CACHD1: variants seen among roughly 807,000 people sequenced by gnomAD.
The protein encoded by CACHD1 is cache domain containing 1, also known as VWFA and cache domain-containing protein 1.
CACHD1 carries 71 observed loss-of-function variants against 138.7 expected under a neutral mutation model. The observed-to-expected ratio is 0.51, with a 90% CI of 0.42 to 0.62. The LOEUF (loss-of-function observed/expected upper bound fraction) is 0.62, where lower values mean the gene tolerates loss of function less well. Ranked by LOEUF, CACHD1 falls within the 20% of genes least tolerant of loss-of-function variation. The pLI, the probability that CACHD1 is intolerant of heterozygous loss-of-function variation, is 0.00. For missense variants in CACHD1, 1,389 were observed against 1,625.3 expected (o/e 0.85, Z 2.50); for synonymous variants, 578 against 591.5 (o/e 0.98, Z 0.33).
chr1:64,683,834 G>A (rs956928528), intron 26 of CACHD1, among the ~76,000 whole-genome samples: 3 of 152,200 alleles, frequency 2.0e-5, no homozygotes, highest in Non-Finnish European at 2.9e-5. Flanking sequence ...GAACCAGTAC[G>A]TGGGTCACTA....
chr1:64,516,097 A>G (rs1646457336), intron 1 of CACHD1, among the ~76,000 whole-genome samples: 1 of 152,222 alleles, frequency 6.6e-6, no homozygotes, highest in Admixed American at 6.5e-5. Context: ...TAAGTAGCAC[A>G]TAAACTAGAC....
chr1:64,634,069 C>G lies in CACHD1; in HGVS notation c.815C>G (p.Thr272Ser). The change falls in exon 7 of 27, where the codon ACC becomes AGC. Residue 272 changes from threonine to serine, a missense_variant. Physicochemically the swap from Thr to Ser is moderately conservative, Grantham distance 58. Coordinates refer to ENST00000651257, the MANE Select transcript of CACHD1 (RefSeq NM_020925.4). ...DKISVLTVAD[T>S]VRTCSLDQCY... ...ATTTCTGTGTTAACTGTGGCAGATA[C>G]CGTCCGGACTTGCTCACTAGACCAG... is the stretch of plus-strand genomic sequence containing the variant. The G allele has an allele frequency of 1.9e-6, 3 of 1,609,318 alleles. No homozygotes were observed. The highest frequency in any genetic ancestry group is 1.7e-6 in the Non-Finnish European group (2 of 1,177,694).
rs765265751 is a variant in CACHD1, at chr1:64,675,442, A to G, written c.2769A>G (p.Lys923=). The part of the protein sequence containing the change: ...TNLVHGSHCS[K]YRLARIPGTN... ...TTGTGCATGGCAGCCACTGTTCCAA[A>G]TACAGATTAGCAAGGATCCCAGGAA... Residue 923 remains lysine (K), a synonymous_variant, in exon 20 of 27, where the codon AAA becomes AAG. Coordinates refer to ENST00000651257, the MANE Select transcript of CACHD1 (RefSeq NM_020925.4). 1.2e-6 allele frequency: 2 copies of G among 1,612,216 alleles called. No individual in the cohort carries two copies. Among genetic ancestry groups the G allele is most frequent in the Non-Finnish European group, 1.7e-6 (2 of 1,178,452 alleles).
chr1:64,498,011 C>T (rs1441675111), intron 1 of CACHD1, among the ~76,000 whole-genome samples: 3 of 152,290 alleles, frequency 2.0e-5, no homozygotes, highest in Admixed American at 1.3e-4. Context: ...CCTGTAATCC[C>T]AGCTACTCAG....
chr1:64,667,330 G>A (rs1348965358), intron 16 of CACHD1, among the ~76,000 whole-genome samples: 1 of 152,186 alleles, frequency 6.6e-6, no homozygotes, highest in Non-Finnish European at 1.5e-5. Context: ...TTGACATTCA[G>A]TAAAATTCCT....
intron 22 of CACHD1, among the ~76,000 whole-genome samples, chr1:64,677,653 A>G (rs1031171654): frequency 2.0e-5 from 3 of 152,252 alleles, no homozygotes; most frequent in East Asian, 3.8e-4. Context: ...CCCCAAGTCA[A>G]TTAAGTTTGG....
chr1:64,534,044 ATTT>A (rs1190973908), intron 1 of CACHD1, among the ~76,000 whole-genome samples: 2 of 110,534 alleles, frequency 1.8e-5, no homozygotes, highest in Non-Finnish European at 1.9e-5. Context: ...TGAGCCCAGC[ATTT>A]TTTTTTTTTT....
chr1:64,514,881 A>G (rs1276449662), intron 1 of CACHD1, among the ~76,000 whole-genome samples: 1 of 152,172 alleles, frequency 6.6e-6, no homozygotes, highest in African/African-American at 2.4e-5. Flanking sequence ...GTTTTTAGTA[A>G]TTACAATTAA....
At chr1:64,651,937 C>T (rs1036848880) in intron 9 of CACHD1, among the ~76,000 whole-genome samples, 11 of 152,104 alleles carry the variant, frequency 7.2e-5, no homozygotes, top group Admixed American at 2.0e-4. Flanking sequence ...AAATTAACTG[C>T]GCTATCTGAG....
chr1:64,521,062 G>A (rs932852626), intron 1 of CACHD1, among the ~76,000 whole-genome samples: 1 of 152,182 alleles, frequency 6.6e-6, no homozygotes, highest in African/African-American at 2.4e-5. Flanking sequence ...TCTGGGCTAG[G>A]TTCTCTGCTC....
chr1:64,604,748 G>C (rs548292857), intron 4 of CACHD1, among the ~76,000 whole-genome samples: 1 of 152,114 alleles, frequency 6.6e-6, no homozygotes, highest in Non-Finnish European at 1.5e-5. Context: ...TGCCTCCCGG[G>C]TTCAAGCAAT....
chr1:64,664,783 A>T (rs1019143026), intron 15 of CACHD1, 104 bp downstream of exon 15: 2 of 988,042 alleles, frequency 2.0e-6, no homozygotes, highest in East Asian at 5.1e-5. Flanking sequence ...ACTAAAGAAG[A>T]TACTTTCATG....
intron 1 of CACHD1, among the ~76,000 whole-genome samples, chr1:64,526,833 G>T (rs1388295737): frequency 2.6e-5 from 4 of 152,080 alleles, no homozygotes; most frequent in African/African-American, 7.2e-5. Context: ...CTCTGGTTTG[G>T]TTTTTGTCAC....
At chr1:64,541,806 A>G (rs762642694) in intron 1 of CACHD1, among the ~76,000 whole-genome samples, 9 of 152,140 alleles carry the variant, frequency 5.9e-5, no homozygotes, top group Non-Finnish European at 1.2e-4. Flanking sequence ...CACTCCATCC[A>G]CCTGGGTGAT....
chr1:64,573,970 G>T (rs1033611463), intron 2 of CACHD1, among the ~76,000 whole-genome samples: 2 of 152,178 alleles, frequency 1.3e-5, no homozygotes, highest in Non-Finnish European at 2.9e-5. Flanking sequence ...TTCAAATGAG[G>T]TAAGAACAAG....
intron 1 of CACHD1, among the ~76,000 whole-genome samples, chr1:64,533,686 A>G (rs1646607048): frequency 6.6e-6 from 1 of 150,838 alleles, no homozygotes; most frequent in South Asian, 2.1e-4. Flanking sequence ...ACTATACATG[A>G]TGTGTTCTAT....
intron 1 of CACHD1, among the ~76,000 whole-genome samples, chr1:64,542,107 C>G (rs988591107): frequency 2.0e-5 from 3 of 152,110 alleles, no homozygotes; most frequent in Non-Finnish European, 4.4e-5. Flanking sequence ...TTAGTGCGCT[C>G]TATATGAATT....
chr1:64,497,268 A>AT (rs1228183423), intron 1 of CACHD1, among the ~76,000 whole-genome samples: 1 of 152,032 alleles, frequency 6.6e-6, no homozygotes, highest in Non-Finnish European at 1.5e-5. Context: ...CTCGGCTAAC[A>AT]TTTTTTCAGT....
chr1:64,579,070 G>A (rs1403689339), intron 2 of CACHD1, among the ~76,000 whole-genome samples: 1 of 152,184 alleles, frequency 6.6e-6, no homozygotes, highest in African/African-American at 2.4e-5. Flanking sequence ...CTATAGCAAA[G>A]CAGGCCATAC....
Sources: allele counts gnomAD v4.1 joint callset (sites outside exome capture counted in the v4.1 genomes callset), GRCh38; gene constraint gnomAD v4.1.1; transcripts MANE v1.5; gene names NCBI Gene and HGNC (gene_info 2026-07-23, HGNC 2026-07-21).